The following UPK1B variants were observed in gnomAD, a reference collection of about 807,000 sequenced individuals.
UPK1B encodes uroplakin-1b.
UPK1B carries 28 observed loss-of-function variants against 34.2 expected under a neutral mutation model. The observed-to-expected ratio is 0.82, with a 90% CI of 0.61 to 1.12. UPK1B has a LOEUF of 1.12. UPK1B is among the 50% of genes most tolerant of loss of function. The pLI is 0.00. For missense variants in UPK1B, 325 were observed against 320.9 expected, an observed-to-expected ratio of 1.01 and a Z score of -0.10; for synonymous variants, 81 against 110.4, an observed-to-expected ratio of 0.73 and a Z score of 1.67.
chr3:119,190,211 T>C (rs748113759), intron 3 of UPK1B, 34 bp from the exon 4 acceptor site: 3 of 1,508,632 alleles, frequency 2.0e-6, no homozygotes, highest in Non-Finnish European at 1.8e-6. Context: ...GACGGGTAAA[T>C]GTAATTCTTT....
intron 4 of UPK1B, 22 bp from the exon 5 acceptor site, chr3:119,190,960 G>C: frequency 1.2e-6 from 2 of 1,612,604 alleles, no homozygotes; most frequent in Non-Finnish European, 1.7e-6. Flanking sequence ...TCTCCCTCTT[G>C]TGTTGCCTCT....
intron 4 of UPK1B, 97 bp from the exon 5 acceptor site, chr3:119,190,885 G>C: frequency 6.5e-7 from 1 of 1,532,868 alleles, no homozygotes. Context: ...AGGAGAGAAT[G>C]TTCAGTGTCC....
intron 1 of UPK1B, among the ~76,000 whole-genome samples, chr3:119,180,727 T>G (rs906582925): frequency 1.3e-5 from 2 of 152,082 alleles, no homozygotes; most frequent in Non-Finnish European, 2.9e-5. Flanking sequence ...CTTTTCTTTT[T>G]TAACCTAAAA....
At chr3:119,190,430 A>C (rs2078038911) in intron 4 of UPK1B, 111 bp downstream of exon 4, 1 of 676,180 alleles carries the variant, frequency 1.5e-6, no homozygotes, top group South Asian at 2.5e-5. Context: ...CAGTAATAAT[A>C]CATCTATCAT....
intron 6 of UPK1B, among the ~76,000 whole-genome samples, chr3:119,196,250 T>C (rs548350755): frequency 6.6e-6 from 1 of 152,212 alleles, no homozygotes; most frequent in East Asian, 1.9e-4. Context: ...ACCACCATTC[T>C]CCCTGACTCA....
At chr3:119,188,643 ACCATG>A (rs1054539624) in intron 3 of UPK1B, among the ~76,000 whole-genome samples, 7 of 152,168 alleles carry the variant, frequency 4.6e-5, no homozygotes, top group African/African-American at 1.7e-4. Flanking sequence ...AGACAGCAAG[ACCATG>A]CCCTGCCTTT....
chr3:119,198,154 A>G (rs1293344630), intron 6 of UPK1B, among the ~76,000 whole-genome samples: 2 of 151,464 alleles, frequency 1.3e-5, no homozygotes, highest in Admixed American at 6.6e-5. Context: ...AAATATGCAT[A>G]CAAAATTAGG....
At chr3:119,198,081 G>C (rs1025958587) in intron 6 of UPK1B, among the ~76,000 whole-genome samples, 3 of 151,606 alleles carry the variant, frequency 2.0e-5, no homozygotes, top group Non-Finnish European at 2.9e-5. Flanking sequence ...TGTGGCTGGA[G>C]TCCCCCACCC....
At position 119,179,213 on chromosome 3, in the gene UPK1B, G is replaced by C. The variant is rs140070383; in HGVS notation, c.-29+5575G>C. On this transcript the variant is annotated intron_variant, in intron 1 of 7. Coordinates refer to ENST00000264234, the MANE Select transcript of UPK1B (RefSeq NM_006952.4). Reference sequence around the variant, plus strand: ...CATTGTGCATGCACCTGTGGTCCTAGCTACTTGGGAGGCTGAAGCAGGAGG... The same window carrying C: ...CATTGTGCATGCACCTGTGGTCCTACCTACTTGGGAGGCTGAAGCAGGAGG... Among the ~76,000 whole-genome samples the C allele has an allele frequency of 3.5e-3, 531 of 151,032 alleles. 9 individuals are homozygous for C. Among genetic ancestry groups the C allele is most frequent in the African/African-American group, 0.012 (504 of 41,214 alleles).
chr3:119,191,601 C>A (rs1249261342), intron 5 of UPK1B, among the ~76,000 whole-genome samples: 5 of 152,218 alleles, frequency 3.3e-5, no homozygotes, highest in Non-Finnish European at 5.9e-5. Context: ...CTGGCCCCTG[C>A]TCCTACTCCA....
intron 7 of UPK1B, among the ~76,000 whole-genome samples, chr3:119,202,563 T>C (rs1207903325): frequency 6.6e-6 from 1 of 152,218 alleles, no homozygotes; most frequent in Non-Finnish European, 1.5e-5. Flanking sequence ...ATTTATTTTA[T>C]AAATGTAGAA....
At chr3:119,179,398 TTA>T (rs1237885840) in intron 1 of UPK1B, among the ~76,000 whole-genome samples, 34 of 58,858 alleles carry the variant, frequency 5.8e-4, no homozygotes, top group Admixed American at 8.3e-4. Context: ...TATATATATA[TTA>T]ATTCTAAGGA....
intron 1 of UPK1B, among the ~76,000 whole-genome samples, chr3:119,180,449 G>A (rs4234654): frequency 0.14 from 20,892 of 152,152 alleles, 1,836 homozygotes; most frequent in East Asian, 0.23. Context: ...TCCCAGCCAA[G>A]TTGACATACA....
intron 1 of UPK1B, among the ~76,000 whole-genome samples, chr3:119,175,122 G>T (rs943826639): frequency 7.2e-6 from 1 of 138,178 alleles, no homozygotes; most frequent in Non-Finnish European, 1.5e-5. Flanking sequence ...CTGCCTCCCG[G>T]GTAGATGCCA....
At chr3:119,188,265 C>T (rs2078028627) in intron 3 of UPK1B, among the ~76,000 whole-genome samples, 1 of 151,970 alleles carries the variant, frequency 6.6e-6, no homozygotes, top group African/African-American at 2.4e-5. Flanking sequence ...CTGCATACAC[C>T]CAGTAGGTAC....
intron 5 of UPK1B, 50 bp downstream of exon 5, chr3:119,191,154 T>C (rs1456753367): frequency 6.2e-7 from 1 of 1,605,156 alleles, no homozygotes; most frequent in Admixed American, 1.7e-5. Context: ...CTGGTGGGAG[T>C]GGGTGTCATA....
chr3:119,183,411 G>A (rs60465136), intron 1 of UPK1B, among the ~76,000 whole-genome samples: 5,095 of 151,848 alleles, frequency 0.034, 266 homozygotes, highest in African/African-American at 0.12. Flanking sequence ...ACAGGCACCC[G>A]CCACCATGCT....
intron 1 of UPK1B, among the ~76,000 whole-genome samples, chr3:119,178,544 G>A (rs1406692192): frequency 2.6e-5 from 4 of 152,168 alleles, no homozygotes; most frequent in African/African-American, 9.7e-5. Context: ...GTTTATCTTT[G>A]TAGAATACCA....
chr3:119,177,470 G>A (rs1266980188), intron 1 of UPK1B, among the ~76,000 whole-genome samples: 5 of 152,174 alleles, frequency 3.3e-5, no homozygotes, highest in Non-Finnish European at 5.9e-5. Context: ...CTTTCTCTCT[G>A]TGAGCCTTAA....
Sources: allele counts gnomAD v4.1 joint callset (sites outside exome capture counted in the v4.1 genomes callset), GRCh38; gene constraint gnomAD v4.1.1; transcripts MANE v1.5; gene names NCBI Gene and HGNC (gene_info 2026-07-23, HGNC 2026-07-21).